The following SETMAR variants were observed in gnomAD, a reference collection of about 807,000 sequenced individuals.
The protein encoded by SETMAR is histone-lysine N-methyltransferase SETMAR.
A neutral mutation model predicts 58.4 loss-of-function variants in SETMAR; 44 were observed. The observed-to-expected ratio is 0.75, with a 90% confidence interval of 0.59 to 0.97. SETMAR has a LOEUF of 0.97. Among genes scored for constraint, SETMAR ranks in the 50% least tolerant of loss-of-function variants. The pLI is 0.00. For synonymous variants in SETMAR, 332 were observed against 307.4 expected (o/e 1.08, Z -0.84); for missense variants, 903 against 840.2 (o/e 1.07, Z -0.92).
intron 1 of SETMAR, among the ~76,000 whole-genome samples, chr3:4,309,319 T>C (rs970818967): frequency 2.6e-5 from 4 of 152,184 alleles, no homozygotes; most frequent in Non-Finnish European, 4.4e-5. Flanking sequence ...TGACCTGAAC[T>C]AGTTTTTCAG....
At position 4,303,500 on chromosome 3, in the gene SETMAR, C is replaced by T. The variant is rs60314351; in HGVS notation, c.130C>T (p.Pro44Ser). ...AAACTTGCCGGTGGGCGCGTGGCCCCCGGGGGCCGCGCCGGCGCCCTTCCA... is the reference window on the plus strand; with the variant it reads ...AAACTTGCCGGTGGGCGCGTGGCCCTCGGGGGCCGCGCCGGCGCCCTTCCA... ...QENLPVGAWPPGAAPAPFQYT... is the reference protein window; with the variant it reads ...QENLPVGAWPSGAAPAPFQYT... The change falls in exon 1 of 3, where the codon CCG becomes TCG. Residue 44 changes from proline (P) to serine (S), a missense_variant. Pro to Ser is a moderately conservative substitution (Grantham distance 74, BLOSUM62 -1). Coordinates refer to ENST00000358065, the MANE Select transcript of SETMAR (RefSeq NM_006515.4). 5.6e-3 allele frequency: 8,231 copies of T among 1,460,186 alleles called. 376 individuals carry two copies. The African/African-American group carries it at 0.1, about 18-fold the overall frequency. 90.5% of individuals were successfully genotyped at this position (1,460,186 alleles called of 1,614,324 possible).
Position 4,317,045 on chromosome 3 carries a change from C to G in SETMAR, c.1854C>G (p.Asp618Glu). 6.5e-7 allele frequency: 1 copy of G among 1,549,336 alleles called. No homozygotes were observed. Among genetic ancestry groups the G allele is most frequent in the East Asian group, 2.4e-5 (1 of 40,920 alleles). ...EVLPHPPYSP[D>E]LLPTNYHVFK... ...TGCCTCATCCACCGTATTCACCTGACCTCTTGCCAACCAACTACCACGTCT... is the reference window on the plus strand; with the variant it reads ...TGCCTCATCCACCGTATTCACCTGAGCTCTTGCCAACCAACTACCACGTCT... Residue 618 changes from aspartate to glutamate, a missense_variant, in exon 3 of 3, where the codon GAC becomes GAG. Asp to Glu is a conservative substitution (Grantham distance 45). Transcript: ENST00000358065.
intron 2 of SETMAR, chr3:4,314,036 T>A: frequency 1.8e-6 from 1 of 540,592 alleles, no homozygotes; most frequent in Non-Finnish European, 3.2e-6. Context: ...TAAATGGAGA[T>A]ATCCTGCCCT....
rs372249979 is a variant in SETMAR at position 4,316,644 on chromosome 3, A to C, written c.1453A>C (p.Asn485His). ...VSSSLILRNH[N>H]EPFLDRIVTC... ...ATCTTCTCTTATTCTACGCAACCAC[A>C]ACGAACCATTTCTCGATCGGATTGT... is the stretch of plus-strand genomic sequence containing the variant. The change falls in exon 3 of 3, where the codon AAC becomes CAC. Residue 485 changes from asparagine to histidine, a missense_variant. By Grantham distance (68) the Asn-to-His change is moderately conservative. Transcript: ENST00000358065. 2.1e-4 allele frequency: 323 copies of C among 1,551,274 alleles called. 9 individuals carry two copies. In the South Asian group the frequency reaches 3.6e-3, roughly 17 times the overall value.
intron 1 of SETMAR, among the ~76,000 whole-genome samples, chr3:4,308,428 C>T (rs1378635180): frequency 6.6e-6 from 1 of 152,044 alleles, no homozygotes; most frequent in Non-Finnish European, 1.5e-5. Context: ...AAGTAATTTG[C>T]CAGAAACATA....
intron 2 of SETMAR, among the ~76,000 whole-genome samples, chr3:4,315,121 TTACAAA>T (rs1419382814): frequency 1.3e-4 from 20 of 152,114 alleles, no homozygotes; most frequent in African/African-American, 2.4e-4. Context: ...ATGCCCCAAA[TTACAAA>T]TACATAGTAT....
Position 4,316,651 on chromosome 3 carries a change from C to T in SETMAR, c.1460C>T (p.Pro487Leu), listed in dbSNP as rs1698665419. 6.4e-7 allele frequency: 1 copy of T among 1,551,162 alleles called. No individual in the cohort carries two copies. The highest frequency in any genetic ancestry group is 8.7e-7 in the Non-Finnish European group (1 of 1,146,758). ...SSLILRNHNE[P>L]FLDRIVTCDE... is the part of the protein sequence containing the mutation. ...CTTATTCTACGCAACCACAACGAAC[C>T]ATTTCTCGATCGGATTGTGACGTGT... The change falls in exon 3 of 3, where the codon CCA becomes CTA. Residue 487 changes from proline (P) to leucine (L), a missense_variant. Coordinates refer to ENST00000358065, the MANE Select transcript of SETMAR (RefSeq NM_006515.4).
intron 1 of SETMAR, among the ~76,000 whole-genome samples, chr3:4,306,374 A>G (rs1368677694): frequency 6.6e-6 from 1 of 152,182 alleles, no homozygotes; most frequent in Non-Finnish European, 1.5e-5. Context: ...CTCAAAGTGT[A>G]TATTAAAATA....
At chr3:4,309,691 G>T (rs999624018) in intron 1 of SETMAR, among the ~76,000 whole-genome samples, 2 of 152,150 alleles carry the variant, frequency 1.3e-5, no homozygotes, top group Admixed American at 6.5e-5. Flanking sequence ...CATCTACGTG[G>T]CAGAACTTGG....
At chr3:4,312,754 ATATCT>A (rs59583151) in intron 1 of SETMAR, 139 bp from the exon 2 acceptor site, 61,798 of 915,988 alleles carry the variant, frequency 0.067, 3,929 homozygotes, top group South Asian at 0.28. Flanking sequence ...TTTTTGGACA[ATATCT>A]TAGTATGCTG....
intron 1 of SETMAR, among the ~76,000 whole-genome samples, chr3:4,310,894 C>A (rs1268848152): frequency 6.6e-6 from 1 of 152,116 alleles, no homozygotes; most frequent in African/African-American, 2.4e-5. Flanking sequence ...CTTCATTTTA[C>A]AAGTACTTTT....
At chr3:4,312,759 T>G in intron 1 of SETMAR, 139 bp from the exon 2 acceptor site, 1 of 828,900 alleles carries the variant, frequency 1.2e-6, no homozygotes, top group Admixed American at 3.0e-5. Flanking sequence ...GGACAATATC[T>G]TAGTATGCTG....
At chr3:4,303,590 C>A (rs377382452) in intron 1 of SETMAR, 64 bp downstream of exon 1, 5 of 1,376,820 alleles carry the variant, frequency 3.6e-6, no homozygotes, top group East Asian at 3.1e-5. Flanking sequence ...TCTCCTCAAG[C>A]CGCCTCGCTG....
chr3:4,316,171 T>C (rs1162394554), intron 2 of SETMAR, 41 bp from the exon 3 acceptor site: 7 of 636,616 alleles, frequency 1.1e-5, no homozygotes, highest in Non-Finnish European at 2.0e-5. Context: ...TTTATGTTTT[T>C]TTGCTAATGA....
intron 2 of SETMAR, chr3:4,314,143 C>T (rs1415886327): frequency 3.9e-6 from 1 of 258,232 alleles, no homozygotes. Flanking sequence ...GAAAGGAAGC[C>T]ATTGCATAGA....
chr3:4,307,167 C>G (rs1040010346), intron 1 of SETMAR, among the ~76,000 whole-genome samples: 12 of 152,144 alleles, frequency 7.9e-5, no homozygotes, highest in African/African-American at 2.7e-4. Context: ...AATTCAGAGG[C>G]CCAGGTTTTA....
intron 1 of SETMAR, among the ~76,000 whole-genome samples, chr3:4,311,947 C>CCTT (rs761954670): frequency 1.3e-4 from 20 of 152,122 alleles, no homozygotes; most frequent in East Asian, 9.6e-4. Flanking sequence ...GAGGATCTAA[C>CCTT]CAGAGATCAG....
chr3:4,305,467 T>G (rs184200870), intron 1 of SETMAR, among the ~76,000 whole-genome samples: 178 of 152,278 alleles, frequency 1.2e-3, no homozygotes, highest in South Asian at 2.5e-3. Context: ...GTTTCTTATC[T>G]AACTTAAAAA....
At chr3:4,303,819 G>C in intron 1 of SETMAR, 1 of 1,373,426 alleles carries the variant, frequency 7.3e-7, no homozygotes. Flanking sequence ...ACTCAAGGAG[G>C]CATCACGGGG....
Sources: gnomAD v4.1 joint callset for allele counts (sites outside exome capture counted in the v4.1 genomes callset) on GRCh38, gnomAD v4.1.1 for gene constraint, MANE v1.5 for transcripts, NCBI Gene and HGNC (gene_info 2026-07-23, HGNC 2026-07-21) for gene names.